The following RHPN2 variants were observed in gnomAD, a reference collection of about 807,000 sequenced individuals.
RHPN2 encodes the protein rhophilin Rho GTPase binding protein 2, also known as rhophilin-2.
In RHPN2, 40 loss-of-function variants were observed where a neutral mutation model predicts 79.0. The ratio of observed to expected loss-of-function variants is 0.51; its 90% CI spans 0.39 to 0.66. The LOEUF (loss-of-function observed/expected upper bound fraction) is 0.66, where lower values mean the gene tolerates loss of function less well. Ranked by LOEUF, RHPN2 falls within the 30% of genes least tolerant of loss-of-function variation. The pLI is 0.00. For synonymous variants in RHPN2, 285 were observed against 363.5 expected, an observed-to-expected ratio of 0.78 and a Z score of 2.46; for missense variants, 686 against 883.5, an observed-to-expected ratio of 0.78 and a Z score of 2.83.
chr19:33,048,022 T>C (rs1232449658), intron 1 of RHPN2, among the ~76,000 whole-genome samples: 1 of 152,116 alleles, frequency 6.6e-6, no homozygotes, highest in African/African-American at 2.4e-5. Flanking sequence ...CAACCTAATT[T>C]TCCCTGTCTC....
chr19:32,998,700 A>G (rs1221126107), intron 10 of RHPN2, among the ~76,000 whole-genome samples: 1 of 51,458 alleles, frequency 1.9e-5, no homozygotes, highest in East Asian at 4.6e-4. Context: ...GTAGATGGGG[A>G]GGAGAGAGAG....
intron 9 of RHPN2, among the ~76,000 whole-genome samples, chr19:33,000,171 T>A (rs1033362760): frequency 6.6e-6 from 1 of 151,396 alleles, no homozygotes; most frequent in African/African-American, 2.4e-5. Context: ...TATGCCTGGC[T>A]ACCCCAAAGC....
chr19:33,002,094 C>T lies in RHPN2; in HGVS notation c.1105+153G>A, dbSNP rs570248473. ...ACCCCTAACCCCACCATGGCCTGTG[C>T]GGCAGCTGCCTCAGTCATGGGTCAC... On this transcript the variant is annotated intron_variant, in intron 9 of 14. Transcript: ENST00000254260. 2.6e-5 allele frequency among the ~76,000 whole-genome samples: 4 copies of T among 152,210 alleles called. No individual in the cohort carries two copies. The South Asian group carries it at 6.2e-4, about 24-fold the overall frequency.
intron 14 of RHPN2, 51 bp from the exon 15 acceptor site, chr19:32,980,307 G>C (rs1410237377): frequency 6.2e-7 from 1 of 1,612,200 alleles, no homozygotes; most frequent in Admixed American, 1.7e-5. Context: ...CAAGATAGAT[G>C]ATAAAAACTA....
chr19:32,994,095 A>C, intron 11 of RHPN2, 42 bp from the exon 12 acceptor site: 1 of 1,399,558 alleles, frequency 7.1e-7, no homozygotes. Flanking sequence ...ACGTTTCTGT[A>C]ATTGAAAGTG....
At chr19:33,000,859 C>T (rs750740895) in intron 9 of RHPN2, among the ~76,000 whole-genome samples, 12 of 152,100 alleles carry the variant, frequency 7.9e-5, no homozygotes, top group Non-Finnish European at 1.6e-4. Context: ...CCATGGAGTC[C>T]ACCTGCTGCT....
At chr19:32,990,159 AAG>A (rs1491294699) in intron 14 of RHPN2, among the ~76,000 whole-genome samples, 1 of 151,350 alleles carries the variant, frequency 6.6e-6, no homozygotes, top group Non-Finnish European at 1.5e-5. Context: ...GAAAGAAAGA[AAG>A]AAAGAGCGAG....
At chr19:33,002,093 G>A (rs1971752895) in intron 9 of RHPN2, among the ~76,000 whole-genome samples, 154 bp downstream of exon 9, 1 of 151,986 alleles carries the variant, frequency 6.6e-6, no homozygotes, top group African/African-American at 2.4e-5. Flanking sequence ...CATGGCCTGT[G>A]CGGCAGCTGC....
intron 2 of RHPN2, among the ~76,000 whole-genome samples, chr19:33,033,336 T>C (rs891379626): frequency 4.6e-5 from 7 of 152,064 alleles, no homozygotes; most frequent in African/African-American, 1.7e-4. Flanking sequence ...GAGGCCAAGG[T>C]GGACAGGTCA....
rs1228301889 is a variant in RHPN2, at chr19:32,980,089, C to G, written c.1968G>C (p.Leu656Phe). ...GTGCAGCCCCGACCGATGGGAGGCA[C>G]AAGGTGCTGGCTGACTTCTGTCTGT... ...NKNRQKSAST[L>F]CLPSVGAARP... The change falls in exon 15 of 15, where the codon TTG (leucine) becomes TTC (phenylalanine). Residue 656 changes from leucine (L) to phenylalanine (F), a missense_variant. Leu to Phe is a conservative substitution (Grantham distance 22). Transcript: ENST00000254260. 6.2e-7 allele frequency: 1 copy of G among 1,613,910 alleles called. No individual in the cohort carries two copies. Among genetic ancestry groups the G allele is most frequent in the Admixed American group, 1.7e-5 (1 of 59,996 alleles).
intron 3 of RHPN2, 112 bp from the exon 4 acceptor site, chr19:33,021,758 T>C: frequency 9.1e-6 from 7 of 767,696 alleles, no homozygotes; most frequent in Non-Finnish European, 1.2e-5. Context: ...CCTTACCCCA[T>C]CCTGTACTCA....
chr19:32,992,805 C>A (rs2146003208), intron 12 of RHPN2, among the ~76,000 whole-genome samples: 1 of 145,970 alleles, frequency 6.9e-6, no homozygotes, highest in East Asian at 2.0e-4. Context: ...CAGAGTTAGA[C>A]CCTGTCTTAA....
chr19:32,980,077 C>A lies in RHPN2; in HGVS notation c.1980G>T (p.Ser660=), dbSNP rs756655463. The A allele has an allele frequency of 6.8e-6, 11 of 1,613,714 alleles. No homozygotes were observed. In the Admixed American group the frequency reaches 1.8e-4, roughly 27 times the overall value. ...TGACCTGAGGCCGTGCAGCCCCGAC[C>A]GATGGGAGGCACAAGGTGCTGGCTG... is the stretch of plus-strand genomic sequence containing the variant. ...QKSASTLCLP[S]VGAARPQVKK... is the part of the protein sequence containing the mutation. Residue 660 remains serine, a synonymous_variant, in exon 15 of 15, where the codon TCG becomes TCT. Coordinates refer to ENST00000254260, the MANE Select transcript of RHPN2 (RefSeq NM_033103.5).
intron 2 of RHPN2, chr19:33,026,909 A>C (rs1971972436): frequency 2.6e-6 from 1 of 391,070 alleles, no homozygotes; most frequent in Non-Finnish European, 4.9e-6. Flanking sequence ...AAGAGAAAAC[A>C]AAACTGCTCC....
chr19:33,057,525 A>G (rs751085637), intron 1 of RHPN2, among the ~76,000 whole-genome samples: 6 of 150,932 alleles, frequency 4.0e-5, no homozygotes, highest in Non-Finnish European at 8.9e-5. Flanking sequence ...TACTAAAAAT[A>G]CAAAATTAGC....
At chr19:33,034,025 AT>A (rs200075991) in intron 2 of RHPN2, among the ~76,000 whole-genome samples, 38 of 146,412 alleles carry the variant, frequency 2.6e-4, no homozygotes, top group South Asian at 4.4e-4. Flanking sequence ...TTGGCAAAAC[AT>A]TTTTTTTTTT....
intron 14 of RHPN2, among the ~76,000 whole-genome samples, chr19:32,987,068 A>G (rs189949884): frequency 8.0e-4 from 122 of 151,654 alleles, no homozygotes; most frequent in Non-Finnish European, 1.5e-3. Context: ...TGTAGAGACA[A>G]GGTCTCGCCA....
chr19:33,001,604 TTTA>T (rs1304299196), intron 9 of RHPN2, among the ~76,000 whole-genome samples: 1 of 152,026 alleles, frequency 6.6e-6, no homozygotes. Flanking sequence ...TAATTTTTAT[TTTA>T]TTATTATTAG....
chr19:33,064,020 A>G (rs1972304919), intron 1 of RHPN2, among the ~76,000 whole-genome samples: 1 of 152,172 alleles, frequency 6.6e-6, no homozygotes, highest in Admixed American at 6.5e-5. Context: ...AAAGTCCCAC[A>G]GGCGGACTTT....
Sources: gnomAD v4.1 joint callset for allele counts (sites outside exome capture counted in the v4.1 genomes callset) on GRCh38, gnomAD v4.1.1 for gene constraint, MANE v1.5 for transcripts, NCBI Gene and HGNC (gene_info 2026-07-23, HGNC 2026-07-21) for gene names.